The following NUP205 variants were observed in gnomAD, a reference collection of about 807,000 sequenced individuals.
NUP205 encodes the protein nuclear pore complex protein Nup205.
NUP205 carries 76 observed loss-of-function variants against 253.8 expected under a neutral mutation model. The observed-to-expected ratio is 0.30, with a 90% CI of 0.25 to 0.36. NUP205 has a LOEUF of 0.36. Ranked by LOEUF, NUP205 falls within the 10% of genes least tolerant of loss-of-function variation. The probability of loss-of-function intolerance (pLI) is 1.00; values close to 1 mark genes in which losing one functional copy is unlikely to be tolerated. For missense variants in NUP205, 2,162 were observed against 2,425.5 expected, an observed-to-expected ratio of 0.89 and a Z score of 2.28; for synonymous variants, 832 against 850.1, an observed-to-expected ratio of 0.98 and a Z score of 0.37.
chr7:135,560,294 C>T (rs1363817974), intron 1 of NUP205, among the ~76,000 whole-genome samples: 1 of 152,190 alleles, frequency 6.6e-6, no homozygotes, highest in Non-Finnish European at 1.5e-5. Context: ...CTGTGCCTGG[C>T]CTATATACAT....
In NUP205 at chr7:135,604,680, T is replaced by C. The variant is rs56105419; in HGVS notation, c.2823+220T>C. Among the ~76,000 whole-genome samples, 13,678 of 152,300 alleles carry C rather than the reference T, an allele frequency of 0.09. 747 individuals are homozygous for C. The highest frequency in any genetic ancestry group is 0.13 in the Non-Finnish European group (8,937 of 68,004). On this transcript the variant is annotated intron_variant, in intron 19 of 42. Coordinates refer to ENST00000285968, the MANE Select transcript of NUP205 (RefSeq NM_015135.3). Reference sequence around the variant, plus strand: ...ACAGTGATACTGCATAATTATGGTATGTGGCACACTGCTACTCTGGGTACA... The same window carrying C: ...ACAGTGATACTGCATAATTATGGTACGTGGCACACTGCTACTCTGGGTACA...
intron 30 of NUP205, among the ~76,000 whole-genome samples, chr7:135,621,353 T>A (rs1252510681): frequency 7.1e-6 from 1 of 141,734 alleles, no homozygotes; most frequent in Non-Finnish European, 1.5e-5. Context: ...ATGGGATTTC[T>A]CCACTCAGCA....
intron 26 of NUP205, 106 bp downstream of exon 26, chr7:135,617,353 GT>G: frequency 1.8e-6 from 2 of 1,112,766 alleles, no homozygotes; most frequent in Non-Finnish European, 1.3e-6. Context: ...AGAGACATTG[GT>G]TTAGTAGTTT....
chr7:135,561,959 C>A (rs952211192), intron 1 of NUP205, among the ~76,000 whole-genome samples: 2 of 151,846 alleles, frequency 1.3e-5, no homozygotes, highest in Admixed American at 6.6e-5. Context: ...CTCACTCTGC[C>A]CAGGCTGGAG....
At chr7:135,600,758 A>G (rs1197389482) in intron 15 of NUP205, 112 bp from the exon 16 acceptor site, 11 of 556,692 alleles carry the variant, frequency 2.0e-5, no homozygotes, top group Non-Finnish European at 3.2e-5. Context: ...AATAAAGTGG[A>G]CAAGAAACTT....
chr7:135,616,823 G>A (rs1195739106), intron 25 of NUP205, 97 bp downstream of exon 25: 8 of 732,936 alleles, frequency 1.1e-5, no homozygotes, highest in Non-Finnish European at 1.4e-5. Flanking sequence ...TCCAAACTCT[G>A]AACTGGTATA....
At chr7:135,593,220 T>C (rs925690472) in intron 12 of NUP205, 28 bp downstream of exon 12, 1 of 1,582,144 alleles carries the variant, frequency 6.3e-7, no homozygotes, top group African/African-American at 1.3e-5. Context: ...AGCATAATTT[T>C]ATTTTTATTA....
chr7:135,562,913 A>G (rs115345566), intron 1 of NUP205, among the ~76,000 whole-genome samples: 261 of 152,214 alleles, frequency 1.7e-3, no homozygotes, highest in Middle Eastern at 6.8e-3. Flanking sequence ...TCTGTACTGC[A>G]GCTCTCTTGG....
intron 3 of NUP205, among the ~76,000 whole-genome samples, chr7:135,575,451 A>G (rs1047369460): frequency 3.9e-5 from 6 of 152,108 alleles, no homozygotes; most frequent in Admixed American, 3.3e-4. Context: ...TAAGGGGAAA[A>G]GAAAGCTTTA....
At chr7:135,626,470 T>C (rs1794592019) in intron 33 of NUP205, 109 bp downstream of exon 33, 1 of 1,265,898 alleles carries the variant, frequency 7.9e-7, no homozygotes, top group East Asian at 2.5e-5. Context: ...TTCATCTTGG[T>C]GTGGGTTTTT....
chr7:135,584,147 ATACT>A (rs535355172), intron 7 of NUP205, among the ~76,000 whole-genome samples: 87 of 152,164 alleles, frequency 5.7e-4, no homozygotes, highest in Non-Finnish European at 1.1e-3. Context: ...TACACTGCAA[ATACT>A]TACTGGTAAA....
At chr7:135,559,349 T>C (rs1163014118) in intron 1 of NUP205, among the ~76,000 whole-genome samples, 2 of 152,218 alleles carry the variant, frequency 1.3e-5, no homozygotes, top group African/African-American at 4.8e-5. Flanking sequence ...AATACATTTC[T>C]CTATTTTATT....
At chr7:135,617,369 G>A in intron 26 of NUP205, 122 bp downstream of exon 26, 1 of 987,948 alleles carries the variant, frequency 1.0e-6, no homozygotes, top group Middle Eastern at 2.2e-4. Context: ...TAGTTTATAG[G>A]AAGGACTGTG....
intron 35 of NUP205, among the ~76,000 whole-genome samples, chr7:135,631,410 A>G: frequency 6.6e-6 from 1 of 152,200 alleles, no homozygotes; most frequent in East Asian, 1.9e-4. Flanking sequence ...ACATTATGAA[A>G]CATTATTAAG....
At chr7:135,642,809 C>T (rs1000863229) in intron 38 of NUP205, among the ~76,000 whole-genome samples, 1 of 151,202 alleles carries the variant, frequency 6.6e-6, no homozygotes, top group African/African-American at 2.4e-5. Flanking sequence ...GTTAAGAAAC[C>T]CCACAATTGT....
intron 30 of NUP205, 85 bp from the exon 31 acceptor site, chr7:135,622,692 G>A (rs1794499152): frequency 8.4e-7 from 1 of 1,184,506 alleles, no homozygotes; most frequent in Non-Finnish European, 1.2e-6. Flanking sequence ...TTCTTCCTTA[G>A]CTCATACCTA....
Position 135,622,820 on chromosome 7 carries a change from ATT to A in NUP205, c.4376_4377del (p.Phe1459Ter). The A allele has an allele frequency of 6.2e-7, 1 of 1,614,104 alleles. No homozygotes were observed. The highest frequency in any genetic ancestry group is 8.5e-7 in the Non-Finnish European group (1 of 1,179,998). On this transcript the variant is annotated frameshift_variant, in exon 31 of 43. Coordinates refer to ENST00000285968, the MANE Select transcript of NUP205 (RefSeq NM_015135.3). LOFTEE classifies it high-confidence loss of function. ...WERLTAPEDV[F>X]SKLQRENIAI... is the part of the protein sequence containing the mutation. Reference sequence around the variant, plus strand: ...AAAGGCTGACAGCCCCTGAAGATGTATTTAGCAAATTACAGCGAGAAAACATA... The same window carrying A: ...AAAGGCTGACAGCCCCTGAAGATGTATAGCAAATTACAGCGAGAAAACATA...
rs117413086 is a variant in NUP205 at position 135,606,044 on chromosome 7, A to G, written c.2824-101A>G. On this transcript the variant is annotated intron_variant, in intron 19 of 42. Transcript: ENST00000285968. ...CGTAAATACCTAAGCAGGTTTGCCT[A>G]TTTTTCCTTATGGATGAATATTTAC... The G allele has an allele frequency of 1.8e-4, 141 of 805,686 alleles. 2 individuals carry two copies. Among genetic ancestry groups the G allele is most frequent in the South Asian group, 6.5e-4 (38 of 58,362 alleles). The allele number at this position is 805,686 out of a possible 1,614,324, so 49.9% of individuals were successfully genotyped here. A position where few individuals can be genotyped will look rare whatever the true frequency, so the allele number is the denominator to read the frequency against.
At chr7:135,583,473 A>G (rs147531483) in intron 7 of NUP205, among the ~76,000 whole-genome samples, 85 of 152,276 alleles carry the variant, frequency 5.6e-4, no homozygotes, top group African/African-American at 1.9e-3. Context: ...TAAAGATGTG[A>G]TAATGGCCAG....
Sources: gnomAD v4.1 joint callset for allele counts (sites outside exome capture counted in the v4.1 genomes callset) on GRCh38, gnomAD v4.1.1 for gene constraint, MANE v1.5 for transcripts, NCBI Gene and HGNC (gene_info 2026-07-23, HGNC 2026-07-21) for gene names.